PKNOX2: variants seen among roughly 807,000 people sequenced by gnomAD.
The protein encoded by PKNOX2 is homeobox protein PKNOX2.
Under a neutral mutation model 53.1 loss-of-function variants are expected in PKNOX2, and 14 were observed. That is an observed-to-expected ratio of 0.26 (90% CI 0.17 to 0.41). PKNOX2 has a LOEUF of 0.41. Among genes scored for constraint, PKNOX2 ranks in the 10% least tolerant of loss-of-function variants. The probability of loss-of-function intolerance (pLI) is 1.00; values close to 1 mark genes in which losing one functional copy is unlikely to be tolerated. For synonymous variants in PKNOX2, 257 were observed against 242.8 expected (o/e 1.06, Z -0.54); for missense variants, 496 against 602.8 (o/e 0.82, Z 1.85).
chr11:125,399,839 C>A lies in PKNOX2; in HGVS notation c.588+1777C>A, dbSNP rs183198111. Among the ~76,000 whole-genome samples the A allele has an allele frequency of 4.1e-3, 629 of 152,324 alleles. 1 individual carries two copies. The highest frequency in any genetic ancestry group is 7.2e-3 in the Non-Finnish European group (489 of 68,032). On this transcript the variant is annotated intron_variant, in intron 7 of 12. Transcript: ENST00000298282. ...GGAGGGGCAGAGGGCTTAGCAGCCA[C>A]CTCAGCCCCCTCAGGGTTGGAGGTC...
intron 2 of PKNOX2, among the ~76,000 whole-genome samples, chr11:125,323,288 T>C (rs1243128453): frequency 6.6e-6 from 1 of 152,188 alleles, no homozygotes; most frequent in Non-Finnish European, 1.5e-5. Flanking sequence ...ATACCAACTC[T>C]TCACAAACAG....
chr11:125,175,881 A>G (rs532045248), intron 1 of PKNOX2, among the ~76,000 whole-genome samples: 1 of 152,378 alleles, frequency 6.6e-6, no homozygotes, highest in South Asian at 2.1e-4. Context: ...CATAAATGAC[A>G]GCGCCTACAC....
chr11:125,177,940 G>A (rs578191168), intron 1 of PKNOX2, among the ~76,000 whole-genome samples: 2 of 152,328 alleles, frequency 1.3e-5, no homozygotes, highest in Non-Finnish European at 2.9e-5. Flanking sequence ...TTGTAATAGG[G>A]AGTAGGAAGG....
chr11:125,259,329 G>A (rs1246770759), intron 2 of PKNOX2, among the ~76,000 whole-genome samples: 2 of 152,144 alleles, frequency 1.3e-5, no homozygotes, highest in African/African-American at 4.8e-5. Context: ...AGACACTGAG[G>A]CAGGACATAC....
intron 2 of PKNOX2, among the ~76,000 whole-genome samples, chr11:125,307,259 C>A (rs907729089): frequency 6.6e-6 from 1 of 152,132 alleles, no homozygotes; most frequent in Non-Finnish European, 1.5e-5. Context: ...GCAAGCAGAC[C>A]AGAAGATGGA....
intron 4 of PKNOX2, among the ~76,000 whole-genome samples, chr11:125,359,147 G>A (rs545802762): frequency 6.6e-6 from 1 of 151,598 alleles, no homozygotes; most frequent in East Asian, 1.9e-4. Context: ...GCAGGAAGGT[G>A]GACACCATCA....
chr11:125,410,281 A>G lies in PKNOX2; in HGVS notation c.674A>G (p.Gln225Arg). 1 of 1,614,120 alleles carries G rather than the reference A, an allele frequency of 6.2e-7. No individual in the cohort carries two copies. The change falls in exon 8 of 13, where the codon CAG becomes CGG. Residue 225 changes from glutamine (Q) to arginine (R), a missense_variant. Gln to Arg is a conservative substitution (Grantham distance 43). Coordinates refer to ENST00000298282, the MANE Select transcript of PKNOX2 (RefSeq NM_001382323.2). ...GIVVPASALQ[Q>R]GNIAMTTVNS... ...GTGGTCCCAGCCTCAGCGCTCCAGC[A>G]GGGCAACATCGCCATGACAACCGTC...
At chr11:125,335,094 C>A (rs1222215400) in intron 3 of PKNOX2, among the ~76,000 whole-genome samples, 2 of 152,188 alleles carry the variant, frequency 1.3e-5, no homozygotes, top group African/African-American at 4.8e-5. Context: ...GCGGCACCTT[C>A]TACTTTATTA....
intron 1 of PKNOX2, among the ~76,000 whole-genome samples, chr11:125,202,351 G>C (rs1938549203): frequency 6.6e-6 from 1 of 152,182 alleles, no homozygotes; most frequent in African/African-American, 2.4e-5. Flanking sequence ...GTGTGTCCTG[G>C]GGGAATGTTA....
chr11:125,338,414 C>T lies in PKNOX2; in HGVS notation c.-23+6489C>T, dbSNP rs992042130. Among the ~76,000 whole-genome samples, 12 of 152,222 alleles carry T rather than the reference C, an allele frequency of 7.9e-5. 1 individual carries two copies. The highest frequency in any genetic ancestry group is 2.1e-4 in the South Asian group (1 of 4,806). On this transcript the variant is annotated intron_variant, in intron 3 of 12. Transcript: ENST00000298282. ...AGGCCCTAAACAGAGAAGAAAGCTC[C>T]GAGGGGGGCTGAAGACAGCAAGGAT...
At chr11:125,389,564 G>T (rs528695875) in intron 6 of PKNOX2, among the ~76,000 whole-genome samples, 1 of 152,134 alleles carries the variant, frequency 6.6e-6, no homozygotes, top group African/African-American at 2.4e-5. Context: ...TCACCAGGAC[G>T]ATTCCTAAGC....
chr11:125,223,830 G>A (rs917829012), intron 1 of PKNOX2, among the ~76,000 whole-genome samples: 2 of 152,162 alleles, frequency 1.3e-5, no homozygotes, highest in Non-Finnish European at 2.9e-5. Context: ...GCTTAGAAAC[G>A]ATGACATTGC....
At chr11:125,284,847 T>G (rs749833014) in intron 2 of PKNOX2, among the ~76,000 whole-genome samples, 1 of 152,084 alleles carries the variant, frequency 6.6e-6, no homozygotes, top group Admixed American at 6.5e-5. Context: ...TGAGCAGCCT[T>G]TCCCAAACCA....
At chr11:125,376,505 C>A (rs978516748) in intron 5 of PKNOX2, among the ~76,000 whole-genome samples, 1 of 152,180 alleles carries the variant, frequency 6.6e-6, no homozygotes, top group Non-Finnish European at 1.5e-5. Context: ...CTGCAGGCAG[C>A]CCCCAGCAGA....
At chr11:125,275,375 A>G (rs1215431886) in intron 2 of PKNOX2, among the ~76,000 whole-genome samples, 1 of 152,146 alleles carries the variant, frequency 6.6e-6, no homozygotes, top group East Asian at 1.9e-4. Flanking sequence ...AAGACGGAGG[A>G]TGAAGAGAAA....
chr11:125,375,605 C>T (rs1343491318), intron 5 of PKNOX2, among the ~76,000 whole-genome samples: 1 of 152,200 alleles, frequency 6.6e-6, no homozygotes, highest in Non-Finnish European at 1.5e-5. Flanking sequence ...GTTGGGGTAT[C>T]AAAATGCAAT....
chr11:125,416,297 C>A lies in PKNOX2; in HGVS notation c.936+4432C>A, dbSNP rs566252307. ...CAGCCTGGGCGACAGAGCGAGACGCCGTCTCAAAAAAAAAAAAAAAAAAAA... is the reference window on the plus strand; with the variant it reads ...CAGCCTGGGCGACAGAGCGAGACGCAGTCTCAAAAAAAAAAAAAAAAAAAA... On this transcript the variant is annotated intron_variant, in intron 10 of 12. Coordinates refer to ENST00000298282, the MANE Select transcript of PKNOX2 (RefSeq NM_001382323.2). 8.7e-5 allele frequency among the ~76,000 whole-genome samples: 8 copies of A among 92,156 alleles called. No homozygotes were observed. The East Asian group carries it at 2.1e-3, about 24-fold the overall frequency. 60.5% of individuals were successfully genotyped at this position (92,156 alleles called of 152,430 possible). A position where few individuals can be genotyped will look rare whatever the true frequency, so the allele number is the denominator to read the frequency against.
chr11:125,278,624 C>T (rs1315598167), intron 2 of PKNOX2, among the ~76,000 whole-genome samples: 1 of 150,558 alleles, frequency 6.6e-6, no homozygotes. Flanking sequence ...CAGTTGAAGA[C>T]CGAGGGAGGG....
intron 4 of PKNOX2, 95 bp downstream of exon 4, chr11:125,351,487 G>T: frequency 1.2e-6 from 1 of 804,644 alleles, no homozygotes; most frequent in Non-Finnish European, 2.0e-6. Flanking sequence ...AGGGGCCGAC[G>T]GGCAGAGCCA....
Sources: allele counts gnomAD v4.1 joint callset (sites outside exome capture counted in the v4.1 genomes callset), GRCh38; gene constraint gnomAD v4.1.1; transcripts MANE v1.5; gene names NCBI Gene and HGNC (gene_info 2026-07-23, HGNC 2026-07-21).